RUFY3: variants seen among roughly 807,000 people sequenced by gnomAD.
The protein encoded by RUFY3 is protein RUFY3.
In RUFY3, 34 loss-of-function variants were observed where a neutral mutation model predicts 84.0. That is an observed-to-expected ratio of 0.40 (90% CI 0.31 to 0.54). The LOEUF is 0.54. Among genes scored for constraint, RUFY3 ranks in the 20% least tolerant of loss-of-function variants. The probability of loss-of-function intolerance (pLI) is 0.39; values close to 1 mark genes in which losing one functional copy is unlikely to be tolerated. For synonymous variants in RUFY3, 242 were observed against 252.9 expected, an observed-to-expected ratio of 0.96 and a Z score of 0.41; for missense variants, 507 against 736.8, an observed-to-expected ratio of 0.69 and a Z score of 3.61.
At chr4:70,759,301 T>C (rs754000796) in intron 1 of RUFY3, among the ~76,000 whole-genome samples, 2 of 152,138 alleles carry the variant, frequency 1.3e-5, no homozygotes, top group Non-Finnish European at 2.9e-5. Context: ...TAATGTCCTT[T>C]AGGCTCATCC....
chr4:70,716,403 C>G (rs1741620198), intron 1 of RUFY3, among the ~76,000 whole-genome samples: 1 of 152,066 alleles, frequency 6.6e-6, no homozygotes, highest in South Asian at 2.1e-4. Flanking sequence ...GCCTCAGCCT[C>G]CCGAAGTGCT....
intron 1 of RUFY3, chr4:70,705,371 G>C: frequency 9.2e-7 from 1 of 1,088,310 alleles, no homozygotes; most frequent in Admixed American, 4.3e-5. Flanking sequence ...GGCCCCCGCG[G>C]AGCTCCGCCT....
chr4:70,774,644 AAT>A (rs1553916772), intron 6 of RUFY3, among the ~76,000 whole-genome samples: 1,891 of 56,696 alleles, frequency 0.033, 67 homozygotes, highest in African/African-American at 0.056. Flanking sequence ...AAAAAAAAAA[AAT>A]ATATATATAT....
chr4:70,807,032 C>T lies in RUFY3; in HGVS notation c.*373C>T, dbSNP rs77166158. The T allele has an allele frequency of 7.3e-3, 1,155 of 158,458 alleles. 8 individuals carry two copies. Among genetic ancestry groups the T allele is most frequent in the Admixed American group, 0.015 (243 of 15,722 alleles). 9.8% of individuals were successfully genotyped at this position (158,458 alleles called of 1,614,324 possible). ...TAAAAAGGAAAATGATCATCTCCTT[C>T]TATAGCATTTGCAGATTCAAGGGGG... On this transcript the variant is annotated 3_prime_UTR_variant, in exon 18 of 18. Coordinates refer to ENST00000381006, the MANE Select transcript of RUFY3 (RefSeq NM_001037442.4).
chr4:70,728,421 A>G (rs1044931747), intron 1 of RUFY3, among the ~76,000 whole-genome samples: 1 of 152,240 alleles, frequency 6.6e-6, no homozygotes, highest in African/African-American at 2.4e-5. Flanking sequence ...CAAAATTTGA[A>G]GTAGGGTTTC....
chr4:70,737,743 C>T (rs1720579122), intron 1 of RUFY3, among the ~76,000 whole-genome samples: 1 of 145,948 alleles, frequency 6.9e-6, no homozygotes, highest in South Asian at 2.2e-4. Flanking sequence ...GTGGTACCAT[C>T]TCAGCTCACT....
chr4:70,806,059 G>A (rs1341838730), intron 17 of RUFY3, among the ~76,000 whole-genome samples: 3 of 152,204 alleles, frequency 2.0e-5, no homozygotes, highest in African/African-American at 7.2e-5. Context: ...AGAGACCACA[G>A]GAAAGCATAA....
intron 1 of RUFY3, among the ~76,000 whole-genome samples, chr4:70,759,244 G>A (rs940967013): frequency 7.2e-5 from 11 of 152,110 alleles, no homozygotes; most frequent in African/African-American, 2.7e-4. Context: ...ATATGAGTGA[G>A]AACATGTGGT....
chr4:70,764,031 C>G (rs567022772), intron 3 of RUFY3, among the ~76,000 whole-genome samples: 2 of 152,256 alleles, frequency 1.3e-5, no homozygotes, highest in Admixed American at 6.5e-5. Context: ...TCAAATTAAC[C>G]TGAAGAGCTA....
intron 1 of RUFY3, among the ~76,000 whole-genome samples, chr4:70,735,119 A>C (rs1720067988): frequency 6.6e-6 from 1 of 152,238 alleles, no homozygotes; most frequent in Non-Finnish European, 1.5e-5. Context: ...CCCAAGCCTG[A>C]GTACCAACCA....
intron 1 of RUFY3, among the ~76,000 whole-genome samples, chr4:70,758,602 G>C (rs1724440754): frequency 6.6e-6 from 1 of 151,886 alleles, no homozygotes; most frequent in Non-Finnish European, 1.5e-5. Flanking sequence ...TACATATTTA[G>C]GGATACAGAC....
intron 16 of RUFY3, 50 bp from the exon 17 acceptor site, chr4:70,804,298 C>G (rs371327343): frequency 7.0e-7 from 1 of 1,438,148 alleles, no homozygotes; most frequent in African/African-American, 1.4e-5. Context: ...TCTGAAAGTA[C>G]TAATATTTCT....
chr4:70,758,761 A>G (rs7667801), intron 1 of RUFY3, among the ~76,000 whole-genome samples: 30,740 of 151,916 alleles, frequency 0.2, 6,777 homozygotes, highest in African/African-American at 0.55. Flanking sequence ...AATTATTGCC[A>G]GGCGTGGTGG....
chr4:70,731,514 A>G (rs1044386810), intron 1 of RUFY3, among the ~76,000 whole-genome samples: 9 of 152,224 alleles, frequency 5.9e-5, no homozygotes, highest in Non-Finnish European at 1.3e-4. Flanking sequence ...ACACCTCTAT[A>G]TGCTAAATTT....
In RUFY3 at chr4:70,761,795, G is replaced by A. The variant is rs539336494; in HGVS notation, c.179-724G>A. On this transcript the variant is annotated intron_variant, in intron 1 of 17. Coordinates refer to ENST00000381006, the MANE Select transcript of RUFY3 (RefSeq NM_001037442.4). ...GTACTGCATTATACTAATAATGCTA[G>A]TGCATAGTTTAAAGAATAATAAAAT... Among the ~76,000 whole-genome samples, 7 of 152,338 alleles carry A rather than the reference G, an allele frequency of 4.6e-5. No homozygotes were observed. The South Asian group carries it at 1.4e-3, about 32-fold the overall frequency.
chr4:70,798,350 T>C (rs1274630405), intron 14 of RUFY3, among the ~76,000 whole-genome samples: 1 of 150,690 alleles, frequency 6.6e-6, no homozygotes, highest in Non-Finnish European at 1.5e-5. Flanking sequence ...GCCTGGGCAA[T>C]AGCATGAGAC....
chr4:70,742,516 G>A (rs946195632), intron 1 of RUFY3, among the ~76,000 whole-genome samples: 3 of 151,992 alleles, frequency 2.0e-5, no homozygotes, highest in Non-Finnish European at 2.9e-5. Context: ...TGCCACCTGC[G>A]AACCCTTCAG....
intron 1 of RUFY3, among the ~76,000 whole-genome samples, chr4:70,728,108 A>C (rs1255177544): frequency 6.6e-6 from 1 of 152,214 alleles, no homozygotes; most frequent in Non-Finnish European, 1.5e-5. Flanking sequence ...ACTCATCCTA[A>C]GTTGAAAATA....
intron 1 of RUFY3, among the ~76,000 whole-genome samples, chr4:70,744,451 T>C (rs914172640): frequency 1.3e-5 from 2 of 151,732 alleles, no homozygotes; most frequent in Admixed American, 6.6e-5. Flanking sequence ...TCCTCCCACT[T>C]CAGCCTCCCA....
Sources: allele counts gnomAD v4.1 joint callset (sites outside exome capture counted in the v4.1 genomes callset), GRCh38; gene constraint gnomAD v4.1.1; transcripts MANE v1.5; gene names NCBI Gene and HGNC (gene_info 2026-07-23, HGNC 2026-07-21).